NGDN: variants seen among roughly 807,000 people sequenced by gnomAD.
The protein encoded by NGDN is neuroguidin, also known as EIF4E-binding protein.
A neutral mutation model predicts 45.2 loss-of-function variants in NGDN; 41 were observed. That is an observed-to-expected ratio of 0.91 (90% CI 0.71 to 1.18). The LOEUF (loss-of-function observed/expected upper bound fraction) is 1.18. Among genes scored for constraint, NGDN ranks in the 50% most tolerant of loss-of-function variants. NGDN has a pLI of 0.00. For synonymous variants in NGDN, 137 were observed against 130.9 expected, an observed-to-expected ratio of 1.05 and a Z score of -0.32; for missense variants, 402 against 399.9, an observed-to-expected ratio of 1.01 and a Z score of -0.05.
Position 23,475,650 on chromosome 14 carries a change from A to G in NGDN, c.367+8A>G, listed in dbSNP as rs1893881609. 1.2e-6 allele frequency: 2 copies of G among 1,614,088 alleles called. No individual in the cohort carries two copies. Among genetic ancestry groups the G allele is most frequent in the Non-Finnish European group, 1.7e-6 (2 of 1,179,878 alleles). On this transcript the variant is annotated splice_region_variant and intron_variant, in intron 5 of 10. Transcript: ENST00000408901. ...CAGTGACAGGCAGCCTTAGTAAGTG[A>G]GGAGACCATCATGAAGTTGTGGGGA...
chr14:23,477,378 A>G, intron 9 of NGDN, 22 bp downstream of exon 9: 1 of 1,613,824 alleles, frequency 6.2e-7, no homozygotes, highest in Non-Finnish European at 8.5e-7. Context: ...ATATGGTTGT[A>G]GTAGGATGTG....
At chr14:23,475,980 C>G (rs1325806309) in intron 6 of NGDN, 49 bp from the exon 7 acceptor site, 2 of 1,612,576 alleles carry the variant, frequency 1.2e-6, no homozygotes, top group Non-Finnish European at 1.7e-6. Flanking sequence ...TTTCTTCTCA[C>G]TTATCTCATG....
chr14:23,475,943 C>T (rs982606976), intron 6 of NGDN, 86 bp from the exon 7 acceptor site: 10 of 1,543,110 alleles, frequency 6.5e-6, no homozygotes, highest in African/African-American at 4.1e-5. Context: ...TATATTCCCA[C>T]CACCCCAGGG....
chr14:23,478,495 T>C (rs1893955576), downstream of NGDN: 2 of 154,306 alleles, frequency 1.3e-5, no homozygotes, highest in Non-Finnish European at 2.9e-5. Context: ...CCAGGTGGCA[T>C]AAGTGGTTCA....
At chr14:23,472,794 T>C (rs1387841169) in intron 3 of NGDN, among the ~76,000 whole-genome samples, 1 of 152,226 alleles carries the variant, frequency 6.6e-6, no homozygotes, top group Non-Finnish European at 1.5e-5. Context: ...GAAAGATAAC[T>C]AAAAACAGCA....
chr14:23,470,426 T>C (rs1358828975), intron 2 of NGDN: 1 of 283,602 alleles, frequency 3.5e-6, no homozygotes, highest in Non-Finnish European at 6.6e-6. Flanking sequence ...GACTTAACGA[T>C]GGAGGTTATG....
At chr14:23,473,297 C>T (rs1330125584) in intron 3 of NGDN, among the ~76,000 whole-genome samples, 1 of 152,036 alleles carries the variant, frequency 6.6e-6, no homozygotes, top group African/African-American at 2.4e-5. Context: ...CCACACCAGG[C>T]CTTGGGTACC....
chr14:23,471,531 G>A (rs1466906746), intron 3 of NGDN: 1 of 152,250 alleles, frequency 6.6e-6, no homozygotes, highest in East Asian at 1.9e-4. Context: ...AAGAAAAAAT[G>A]TGACAGGCCG....
At chr14:23,478,601 C>A (rs947176036), downstream of NGDN, 2 of 152,666 alleles carry the variant, frequency 1.3e-5, no homozygotes, top group African/African-American at 4.8e-5. Flanking sequence ...TTTTTCATTT[C>A]TTTCTGAAAT....
intron 3 of NGDN, among the ~76,000 whole-genome samples, chr14:23,471,809 C>CA (rs35450473): frequency 3.5e-4 from 49 of 141,568 alleles, no homozygotes; most frequent in African/African-American, 8.9e-4. Context: ...GACCCTGTCT[C>CA]AAAAAAAAAA....
chr14:23,476,215 A>T, intron 7 of NGDN, 24 bp from the exon 8 acceptor site: 1 of 1,613,704 alleles, frequency 6.2e-7, no homozygotes, highest in South Asian at 1.1e-5. Flanking sequence ...TTCTTGGATA[A>T]CCCTGCTTAT....
intron 10 of NGDN, 140 bp downstream of exon 10, chr14:23,477,700 T>TA: frequency 6.8e-7 from 1 of 1,478,712 alleles, no homozygotes; most frequent in Non-Finnish European, 9.0e-7. Context: ...TAGGTGGGCT[T>TA]TTATTTTTTG....
chr14:23,478,800 C>A (rs1380658413), downstream of NGDN: 1 of 27,412 alleles, frequency 3.6e-5, no homozygotes, highest in Non-Finnish European at 7.6e-5. Flanking sequence ...CTATAAAGAG[C>A]TGGCAAAAAA....
chr14:23,476,410 C>T lies in NGDN; in HGVS notation c.713+3C>T, dbSNP rs767414296. 5.6e-6 allele frequency: 9 copies of T among 1,605,026 alleles called. No individual in the cohort carries two copies. The East Asian group carries it at 1.8e-4, about 32-fold the overall frequency. On this transcript the variant is annotated splice_donor_region_variant and intron_variant, in intron 8 of 10. Coordinates refer to ENST00000408901, the MANE Select transcript of NGDN (RefSeq NM_001042635.2). ...CAGAGTCAGGAGGACCAACACAGGT[C>T]TGAGCCCTTGCATTAGAAATTATTC... is the stretch of plus-strand genomic sequence containing the variant.
In NGDN at chr14:23,475,323, GCTT is replaced by G. The variant is rs1893872681; in HGVS notation, c.282+19_282+21del. The G allele has an allele frequency of 6.2e-7, 1 of 1,600,292 alleles. No individual in the cohort carries two copies. The highest frequency in any genetic ancestry group is 1.8e-5 in the Admixed American group (1 of 56,750). ...AGATTCGCACGGTATGAAGCATTTG[GCTT>G]CTTGGAGTTTTAGGTTTCTAAATTT... On this transcript the variant is annotated intron_variant, in intron 4 of 10. Transcript: ENST00000408901.
At chr14:23,473,480 G>C (rs1893830303) in intron 3 of NGDN, among the ~76,000 whole-genome samples, 2 of 151,976 alleles carry the variant, frequency 1.3e-5, no homozygotes, top group Non-Finnish European at 2.9e-5. Flanking sequence ...TATCTTATTT[G>C]GGCCTCATAA....
intron 3 of NGDN, chr14:23,471,368 G>C (rs997036670): frequency 5.8e-6 from 1 of 172,796 alleles, no homozygotes; most frequent in Non-Finnish European, 1.2e-5. Context: ...TTTTGTGATA[G>C]GATGTACTTT....
intron 6 of NGDN, 114 bp downstream of exon 6, chr14:23,475,892 G>A (rs1893890200): frequency 2.1e-6 from 3 of 1,451,170 alleles, no homozygotes; most frequent in South Asian, 2.4e-5. Flanking sequence ...TCCAACTTGT[G>A]TGTTAGAATG....
At chr14:23,473,615 A>G (rs1044126397) in intron 3 of NGDN, among the ~76,000 whole-genome samples, 1 of 151,322 alleles carries the variant, frequency 6.6e-6, no homozygotes, top group Non-Finnish European at 1.5e-5. Context: ...TCACGAGGTC[A>G]GGAGTTCGAG....
Sources: gnomAD v4.1 joint callset for allele counts (sites outside exome capture counted in the v4.1 genomes callset) on GRCh38, gnomAD v4.1.1 for gene constraint, MANE v1.5 for transcripts, NCBI Gene and HGNC (gene_info 2026-07-23, HGNC 2026-07-21) for gene names.